SESN3: variants seen among roughly 807,000 people sequenced by gnomAD.
The protein encoded by SESN3 is sestrin-3.
SESN3 carries 21 observed loss-of-function variants against 55.3 expected under a neutral mutation model. That is an observed-to-expected ratio of 0.38 (90% CI 0.27 to 0.55). The LOEUF (loss-of-function observed/expected upper bound fraction) is 0.55. Among genes scored for constraint, SESN3 ranks in the 20% least tolerant of loss-of-function variants. The pLI, the probability that SESN3 is intolerant of heterozygous loss-of-function variation, is 0.76. For missense variants in SESN3, 408 were observed against 604.3 expected (o/e 0.68, Z 3.41); for synonymous variants, 181 against 203.1 (o/e 0.89, Z 0.93).
intron 6 of SESN3, among the ~76,000 whole-genome samples, chr11:95,179,583 A>C (rs1860023868): frequency 6.6e-6 from 1 of 152,176 alleles, no homozygotes. Context: ...AAATTAGTTC[A>C]ATATAGTTTA....
chr11:95,198,916 A>C (rs908692833), intron 1 of SESN3, among the ~76,000 whole-genome samples: 12 of 138,838 alleles, frequency 8.6e-5, no homozygotes, highest in African/African-American at 2.8e-4. Context: ...AACATAGCAT[A>C]ATAAACATGT....
Position 95,168,922 on chromosome 11 carries a change from G to A in SESN3, c.*4333C>T, listed in dbSNP as rs1446227101. 2 of 152,408 alleles carry A rather than the reference G, an allele frequency of 1.3e-5. No individual in the cohort carries two copies. The highest frequency in any genetic ancestry group is 4.8e-5 in the African/African-American group (2 of 41,448). 9.4% of individuals were successfully genotyped at this position (152,408 alleles called of 1,614,324 possible). On this transcript the variant is annotated 3_prime_UTR_variant, in exon 10 of 10. Coordinates refer to ENST00000536441, the MANE Select transcript of SESN3 (RefSeq NM_144665.4). ...GGCAGAAAAGGGTGGACTGAATGCA[G>A]ACAGGACCTCCCACATGGGAAATAT...
chr11:95,174,887 G>A (rs886891799), intron 9 of SESN3, among the ~76,000 whole-genome samples: 3 of 151,756 alleles, frequency 2.0e-5, no homozygotes, highest in Non-Finnish European at 2.9e-5. Context: ...AAAGTTTATC[G>A]TAAGCCTTAG....
intron 1 of SESN3, among the ~76,000 whole-genome samples, chr11:95,195,163 G>C (rs1449651876): frequency 1.3e-5 from 2 of 152,030 alleles, no homozygotes; most frequent in East Asian, 3.9e-4. Flanking sequence ...CGTTAAGATG[G>C]ACAATGGGAT....
intron 1 of SESN3, among the ~76,000 whole-genome samples, chr11:95,202,434 C>G (rs1860475998): frequency 6.6e-6 from 1 of 151,994 alleles, no homozygotes. Flanking sequence ...AATCTACTTA[C>G]TGTCTTCCAT....
rs200109916 is a variant in SESN3, at chr11:95,229,679, T to TA, written c.78+1103dup. On this transcript the variant is annotated intron_variant, in intron 1 of 9. Coordinates refer to ENST00000536441, the MANE Select transcript of SESN3 (RefSeq NM_144665.4). ...TGTGCTTTTTTCTTTCTTCCTTTTTTAAAAAAAAATGTAGAAAGAACAATC... is the reference window on the plus strand; with the variant it reads ...TGTGCTTTTTTCTTTCTTCCTTTTTTAAAAAAAAAATGTAGAAAGAACAATC... 3.6e-3 allele frequency among the ~76,000 whole-genome samples: 544 copies of TA among 151,582 alleles called. 8 individuals carry two copies. Among genetic ancestry groups the TA allele is most frequent in the South Asian group, 0.031 (148 of 4,794 alleles).
intron 6 of SESN3, 101 bp from the exon 7 acceptor site, chr11:95,178,929 T>G: frequency 3.1e-6 from 2 of 654,672 alleles, no homozygotes; most frequent in Non-Finnish European, 2.7e-6. Flanking sequence ...TTTCCATGGA[T>G]TTCTAAAGTG....
rs1163401234 is a variant in SESN3, at chr11:95,172,672, GAACA to G, written c.*579_*582del. The G allele has an allele frequency of 6.6e-6, 1 of 152,038 alleles. No homozygotes were observed. The highest frequency in any genetic ancestry group is 1.5e-5 in the Non-Finnish European group (1 of 68,008). The allele number at this position is 152,038 out of a possible 1,614,324, so 9.4% of individuals were successfully genotyped here. On this transcript the variant is annotated 3_prime_UTR_variant, in exon 10 of 10. Transcript: ENST00000536441. ...CAATAGCAGTAAAACAACAATAAAT[GAACA>G]AACAAACAAATAAAAAACAGTGCCT...
intron 9 of SESN3, among the ~76,000 whole-genome samples, chr11:95,175,296 G>A (rs1177316254): frequency 6.6e-6 from 1 of 152,148 alleles, no homozygotes; most frequent in African/African-American, 2.4e-5. Context: ...CCCGGGAAGT[G>A]GAGGTTGCAG....
At chr11:95,195,012 T>G (rs1591059288) in intron 1 of SESN3, among the ~76,000 whole-genome samples, 1 of 151,896 alleles carries the variant, frequency 6.6e-6, no homozygotes, top group African/African-American at 2.4e-5. Flanking sequence ...ACAAAGCAGC[T>G]GGAAAAACTG....
chr11:95,188,510 A>G (rs1457056487), intron 4 of SESN3, among the ~76,000 whole-genome samples: 1 of 151,846 alleles, frequency 6.6e-6, no homozygotes, highest in East Asian at 1.9e-4. Context: ...GTCATACAAT[A>G]TGATCTCAAT....
intron 4 of SESN3, among the ~76,000 whole-genome samples, chr11:95,188,190 G>C (rs1860202138): frequency 6.6e-6 from 1 of 151,594 alleles, no homozygotes; most frequent in Non-Finnish European, 1.5e-5. Context: ...AAGCTCTTGT[G>C]ATCAAATGTA....
chr11:95,205,778 T>A (rs888985704), intron 1 of SESN3, among the ~76,000 whole-genome samples: 7 of 152,206 alleles, frequency 4.6e-5, no homozygotes, highest in Non-Finnish European at 8.8e-5. Flanking sequence ...TAATATTTAA[T>A]AACAACTTTA....
Position 95,230,824 on chromosome 11 carries a change from T to G in SESN3, c.37A>C (p.Asn13His). The change falls in exon 1 of 10, where the codon AAC becomes CAC. Residue 13 changes from asparagine to histidine, a missense_variant. Around this residue, in one of 4 missense-constraint regions of SESN3, gnomAD observed 61 missense variants for 48.3 expected, o/e 1.26. Transcript: ENST00000536441. The surrounding 1 kb of genome is among the most constrained non-coding windows in gnomAD (Gnocchi z 4.6). ...CGGCAGTTGGTACAGAGCAGGTAGT[T>G]GGCGGCGGCCGACGGGCTGCCGCCG... The part of the protein sequence containing the change: ...RGGGSPSAAA[N>H]YLLCTNCRKV... 1 of 1,540,254 alleles carries G rather than the reference T, an allele frequency of 6.5e-7. No homozygotes were observed. The highest frequency in any genetic ancestry group is 1.1e-5 in the South Asian group (1 of 88,744).
intron 1 of SESN3, among the ~76,000 whole-genome samples, chr11:95,194,951 C>T (rs1387400904): frequency 2.0e-5 from 3 of 151,884 alleles, no homozygotes; most frequent in Non-Finnish European, 2.9e-5. Flanking sequence ...ACAAACTTAA[C>T]GAAGTAGTAT....
At chr11:95,178,643 A>T (rs1208381673) in intron 7 of SESN3, 67 bp downstream of exon 7, 4 of 1,004,514 alleles carry the variant, frequency 4.0e-6, no homozygotes, top group Non-Finnish European at 6.3e-6. Flanking sequence ...CAATTTTTAA[A>T]ATTTAAACAC....
chr11:95,213,159 C>T (rs1273129070), intron 1 of SESN3, among the ~76,000 whole-genome samples: 1 of 151,608 alleles, frequency 6.6e-6, no homozygotes, highest in Non-Finnish European at 1.5e-5. Flanking sequence ...AAAAAAAAAC[C>T]TTGGTCTTTT....
Position 95,167,475 on chromosome 11 carries a change from C to CCCCATATATATATATATATATATATATAT in SESN3, c.*5779_*5780insATATATATATATATATATATATATATGGG, listed in dbSNP as rs563322416. Reference sequence around the variant, plus strand: ...TCAGATATTCATTCTGTTTCCCCCCCATATATATAATTTTTCATTCTGTAC... The same window carrying CCCCATATATATATATATATATATATATAT: ...TCAGATATTCATTCTGTTTCCCCCCCCCCATATATATATATATATATATATATATATATATATAATTTTTCATTCTGTAC... On this transcript the variant is annotated 3_prime_UTR_variant, in exon 10 of 10. Coordinates refer to ENST00000536441, the MANE Select transcript of SESN3 (RefSeq NM_144665.4). 3.3e-5 allele frequency: 5 copies of CCCCATATATATATATATATATATATATAT among 150,940 alleles called. No homozygotes were observed. Among genetic ancestry groups the CCCCATATATATATATATATATATATATAT allele is most frequent in the African/African-American group, 1.2e-4 (5 of 40,342 alleles). 9.4% of individuals were successfully genotyped at this position (150,940 alleles called of 1,614,324 possible).
chr11:95,208,986 A>G lies in SESN3; in HGVS notation c.79-15464T>C, dbSNP rs183847624. Among the ~76,000 whole-genome samples the G allele has an allele frequency of 2.8e-3, 431 of 151,746 alleles. 4 individuals carry two copies. Among genetic ancestry groups the G allele is most frequent in the African/African-American group, 9.7e-3 (401 of 41,404 alleles). ...AAAACCCTAGAAGAAAAGCTAGGCA[A>G]TACCATTCAGGACACAGGCATGGGC... On this transcript the variant is annotated intron_variant, in intron 1 of 9. Transcript: ENST00000536441.
Sources: allele counts gnomAD v4.1 joint callset (sites outside exome capture counted in the v4.1 genomes callset), GRCh38; gene constraint gnomAD v4.1.1; regional missense constraint gnomAD v4.1.1; non-coding constraint Gnocchi (gnomAD v3.1); transcripts MANE v1.5; gene names NCBI Gene and HGNC (gene_info 2026-07-23, HGNC 2026-07-21).